The following NCBP1 variants were observed in gnomAD, a reference collection of about 807,000 sequenced individuals.
The protein encoded by NCBP1 is nuclear cap binding protein subunit 1, also known as nuclear cap-binding protein subunit 1.
NCBP1 carries 16 observed loss-of-function variants against 111.7 expected under a neutral mutation model. The ratio of observed to expected loss-of-function variants is 0.14; its 90% CI spans 0.10 to 0.22. The LOEUF (loss-of-function observed/expected upper bound fraction) is 0.22. NCBP1 is among the 10% of genes least tolerant of loss of function. NCBP1 has a pLI of 1.00. For synonymous variants in NCBP1, 304 were observed against 314.3 expected (o/e 0.97, Z 0.35); for missense variants, 607 against 957.5 (o/e 0.63, Z 4.83).
At chr9:97,656,435 G>A (rs1049583688) in intron 14 of NCBP1, among the ~76,000 whole-genome samples, 12 of 152,140 alleles carry the variant, frequency 7.9e-5, no homozygotes, top group East Asian at 3.9e-4. Flanking sequence ...AAAAATTTGC[G>A]AGGCGTGTTG....
chr9:97,641,581 G>A lies in NCBP1; in HGVS notation c.143G>A (p.Ser48Asn). Residue 48 changes from serine to asparagine, a missense_variant, in exon 3 of 23, where the codon AGC becomes AAC. Ser to Asn is a conservative substitution (Grantham distance 46). This residue lies in a region of NCBP1 where 185 missense variants were observed against 272.0 expected (regional missense o/e 0.68). Coordinates refer to ENST00000375147, the MANE Select transcript of NCBP1 (RefSeq NM_002486.5). ...VGEKSACSLE[S>N]NLEGLAGVLE... is the part of the protein sequence containing the mutation. ...CTACAGAGTGCCTGCTCTTTGGAGA[G>A]CAACCTAGAAGGCTTGGCTGGTGTT... 6.2e-7 allele frequency: 1 copy of A among 1,608,782 alleles called. No individual in the cohort carries two copies. The highest frequency in any genetic ancestry group is 8.5e-7 in the Non-Finnish European group (1 of 1,176,038).
chr9:97,670,942 G>T, intron 22 of NCBP1, 144 bp from the exon 23 acceptor site: 1 of 483,192 alleles, frequency 2.1e-6, no homozygotes, highest in Non-Finnish European at 3.7e-6. Context: ...GGATTTTCAG[G>T]GGTCCATTGT....
intron 6 of NCBP1, 82 bp downstream of exon 6, chr9:97,645,814 A>G (rs1314242060): frequency 3.3e-6 from 5 of 1,510,098 alleles, no homozygotes; most frequent in Non-Finnish European, 3.6e-6. Flanking sequence ...TTTCTCAAAA[A>G]TAAGCTGTAG....
intron 6 of NCBP1, 73 bp from the exon 7 acceptor site, chr9:97,647,419 T>C: frequency 8.3e-7 from 1 of 1,202,304 alleles, no homozygotes; most frequent in South Asian, 1.3e-5. Context: ...ATTTGCATTT[T>C]AATAACTGTG....
intron 1 of NCBP1, among the ~76,000 whole-genome samples, chr9:97,640,093 G>T (rs752966430): frequency 6.6e-6 from 1 of 151,984 alleles, no homozygotes; most frequent in Non-Finnish European, 1.5e-5. Context: ...TTGAATATAC[G>T]TATACTGACT....
At chr9:97,660,846 GGAA>G (rs1378579666) in intron 15 of NCBP1, 97 bp from the exon 16 acceptor site, 1 of 1,354,826 alleles carries the variant, frequency 7.4e-7, no homozygotes, top group Admixed American at 2.5e-5. Context: ...TATTTTGAAA[GGAA>G]GAATTTAAAA....
At chr9:97,637,350 CT>C (rs1287969494) in intron 1 of NCBP1, among the ~76,000 whole-genome samples, 2 of 152,132 alleles carry the variant, frequency 1.3e-5, no homozygotes, top group Non-Finnish European at 2.9e-5. Flanking sequence ...GTCTCTGAAG[CT>C]TTTTAGTTAC....
Position 97,650,559 on chromosome 9 carries a change from T to G in NCBP1, c.954T>G (p.Leu318=), listed in dbSNP as rs1254977155. ...SVERFVIEEN[L]HCIIKSHWKE... Reference sequence around the variant, plus strand: ...AAAGATTTGTAATAGAAGAGAATCTTCACTGCATCATTAAGTCCCACTGGA... The same window carrying G: ...AAAGATTTGTAATAGAAGAGAATCTGCACTGCATCATTAAGTCCCACTGGA... The change falls in exon 9 of 23, where the codon CTT becomes CTG. Residue 318 remains leucine (L), a synonymous_variant. Transcript: ENST00000375147. The G allele has an allele frequency of 6.2e-7, 1 of 1,613,344 alleles. No individual in the cohort carries two copies. Among genetic ancestry groups the G allele is most frequent in the African/African-American group, 1.3e-5 (1 of 74,900 alleles).
intron 9 of NCBP1, among the ~76,000 whole-genome samples, chr9:97,651,028 C>G (rs1827483385): frequency 6.6e-6 from 1 of 151,904 alleles, no homozygotes; most frequent in African/African-American, 2.4e-5. Flanking sequence ...TGAGAGTGAT[C>G]TACTCTATTA....
chr9:97,669,740 A>G, intron 22 of NCBP1, 34 bp downstream of exon 22: 1 of 1,370,762 alleles, frequency 7.3e-7, no homozygotes, highest in Non-Finnish European at 1.0e-6. Context: ...TAATAACACT[A>G]TTCTCAGCCA....
intron 1 of NCBP1, among the ~76,000 whole-genome samples, chr9:97,636,553 G>A (rs942492216): frequency 2.2e-5 from 3 of 138,518 alleles, no homozygotes; most frequent in African/African-American, 7.9e-5. Context: ...TTTATTATAA[G>A]TTTTATATAA....
intron 10 of NCBP1, among the ~76,000 whole-genome samples, chr9:97,652,415 C>T (rs1307634714): frequency 2.0e-5 from 3 of 152,044 alleles, no homozygotes; most frequent in Non-Finnish European, 4.4e-5. Flanking sequence ...CTCAGGAGTT[C>T]GAGACCAGCC....
chr9:97,645,784 T>C (rs764096465), intron 6 of NCBP1, 52 bp downstream of exon 6: 13 of 1,585,518 alleles, frequency 8.2e-6, no homozygotes, highest in Middle Eastern at 1.7e-4. Context: ...GGATATCTTA[T>C]ATCAGTGATA....
chr9:97,636,896 T>A (rs1193036396), intron 1 of NCBP1, among the ~76,000 whole-genome samples: 2 of 151,860 alleles, frequency 1.3e-5, no homozygotes. Flanking sequence ...GTAAGTTGAT[T>A]AGAGAAGGCT....
chr9:97,650,764 C>G (rs1051922183), intron 9 of NCBP1, among the ~76,000 whole-genome samples, 164 bp downstream of exon 9: 14 of 152,162 alleles, frequency 9.2e-5, no homozygotes, highest in Admixed American at 9.2e-4. Context: ...TCTCAAGGCT[C>G]TTCACCCTTG....
At chr9:97,656,269 T>A (rs1298025705) in intron 14 of NCBP1, among the ~76,000 whole-genome samples, 184 bp downstream of exon 14, 4 of 152,222 alleles carry the variant, frequency 2.6e-5, no homozygotes, top group African/African-American at 4.8e-5. Flanking sequence ...CATGTGAATT[T>A]AAGCCAATAA....
chr9:97,662,415 T>C (rs1827865751), intron 17 of NCBP1, among the ~76,000 whole-genome samples: 2 of 152,192 alleles, frequency 1.3e-5, no homozygotes, highest in African/African-American at 4.8e-5. Flanking sequence ...GGGACAGTCA[T>C]ATGCAGTTGG....
intron 6 of NCBP1, 128 bp downstream of exon 6, chr9:97,645,860 C>T: frequency 8.5e-7 from 1 of 1,171,146 alleles, no homozygotes; most frequent in Non-Finnish European, 1.2e-6. Flanking sequence ...ATCCTGTTCT[C>T]CTGCTGTTTT....
chr9:97,637,893 G>T (rs563694820), intron 1 of NCBP1, among the ~76,000 whole-genome samples: 1 of 152,268 alleles, frequency 6.6e-6, no homozygotes, highest in South Asian at 2.1e-4. Context: ...AATTTATTTG[G>T]TTTATTAAGA....
Sources: allele counts gnomAD v4.1 joint callset (sites outside exome capture counted in the v4.1 genomes callset), GRCh38; gene constraint gnomAD v4.1.1; regional missense constraint gnomAD v4.1.1; transcripts MANE v1.5; gene names NCBI Gene and HGNC (gene_info 2026-07-23, HGNC 2026-07-21).